The following CNTNAP5 variants were observed in gnomAD, a reference collection of about 807,000 sequenced individuals.
CNTNAP5 encodes contactin associated protein family member 5.
In CNTNAP5, 72 loss-of-function variants were observed where a neutral mutation model predicts 150.2. The ratio of observed to expected loss-of-function variants is 0.48; its 90% CI spans 0.40 to 0.58. CNTNAP5 has a LOEUF of 0.58. Ranked by LOEUF, CNTNAP5 falls within the 20% of genes least tolerant of loss-of-function variation. The pLI is 0.00. For missense variants in CNTNAP5, 1,636 were observed against 1,626.2 expected (o/e 1.01, Z -0.10); for synonymous variants, 672 against 619.8 (o/e 1.08, Z -1.25).
intron 6 of CNTNAP5, among the ~76,000 whole-genome samples, chr2:124,466,214 C>T (rs974261115): frequency 3.9e-5 from 6 of 152,020 alleles, no homozygotes; most frequent in African/African-American, 1.4e-4. Flanking sequence ...CTCCAAAAAT[C>T]CTTCAGCAGA....
At chr2:124,515,754 G>A (rs1694699236) in intron 8 of CNTNAP5, among the ~76,000 whole-genome samples, 1 of 152,222 alleles carries the variant, frequency 6.6e-6, no homozygotes, top group Admixed American at 6.5e-5. Context: ...AATTCACTAA[G>A]TATATTTACT....
At chr2:124,800,098 G>T (rs1215825368) in intron 19 of CNTNAP5, among the ~76,000 whole-genome samples, 1 of 152,198 alleles carries the variant, frequency 6.6e-6, no homozygotes, top group African/African-American at 2.4e-5. Flanking sequence ...AGGTGGGCGT[G>T]CCAACGAGGT....
At chr2:124,854,652 A>G (rs1018729737) in intron 19 of CNTNAP5, among the ~76,000 whole-genome samples, 1 of 152,232 alleles carries the variant, frequency 6.6e-6, no homozygotes, top group African/African-American at 2.4e-5. Context: ...CATTCTCCAT[A>G]GTGGCTATTT....
chr2:124,264,363 C>G (rs1467368919), intron 3 of CNTNAP5, among the ~76,000 whole-genome samples: 1 of 144,340 alleles, frequency 6.9e-6, no homozygotes, highest in African/African-American at 2.6e-5. Context: ...ACCCTTCCCC[C>G]ACACACACAG....
Position 124,798,208 on chromosome 2 carries a change from T to G in CNTNAP5, c.3105T>G (p.Ala1035=). The G allele has an allele frequency of 6.2e-7, 1 of 1,613,826 alleles. No homozygotes were observed. Among genetic ancestry groups the G allele is most frequent in the African/African-American group, 1.3e-5 (1 of 75,052 alleles). Residue 1035 remains alanine, a synonymous_variant, in exon 19 of 24, where the codon GCT becomes GCG. Transcript: ENST00000682447. ...LSSSAIYTDS[A]PSKENIALSF... ...CCTCAGCTATTTACACAGATTCAGC[T>G]CCATCCAAGGAAAACATTGCACTTA...
intron 8 of CNTNAP5, among the ~76,000 whole-genome samples, chr2:124,506,864 G>C (rs573042525): frequency 6.6e-5 from 10 of 152,182 alleles, no homozygotes; most frequent in Non-Finnish European, 1.3e-4. Flanking sequence ...CCATGGCAAG[G>C]TTCAATGGAG....
chr2:124,619,842 C>CATATATATATAT (rs58774096), intron 12 of CNTNAP5, among the ~76,000 whole-genome samples: 17 of 98,452 alleles, frequency 1.7e-4, no homozygotes, highest in Non-Finnish European at 1.8e-4. Context: ...CTGTCTCATT[C>CATATATATATAT]ATATATATAT....
intron 1 of CNTNAP5, among the ~76,000 whole-genome samples, chr2:124,097,950 C>G (rs931600633): frequency 1.3e-5 from 2 of 152,172 alleles, no homozygotes; most frequent in African/African-American, 4.8e-5. Context: ...ATGGCATGAA[C>G]CCGGGAGGCG....
chr2:124,216,015 T>TC (rs146345298), intron 1 of CNTNAP5, among the ~76,000 whole-genome samples: 2,310 of 151,946 alleles, frequency 0.015, 71 homozygotes, highest in African/African-American at 0.053. Context: ...CTCCCTAAGC[T>TC]CCCCCCAAAC....
chr2:124,875,307 G>T (rs72848778), intron 21 of CNTNAP5, among the ~76,000 whole-genome samples: 15,345 of 152,120 alleles, frequency 0.1, 1,011 homozygotes, highest in Non-Finnish European at 0.15. Context: ...ACTTCAAAAT[G>T]CTCACTTTGG....
At chr2:124,846,722 G>A (rs753991993) in intron 19 of CNTNAP5, among the ~76,000 whole-genome samples, 1 of 152,158 alleles carries the variant, frequency 6.6e-6, no homozygotes, top group Non-Finnish European at 1.5e-5. Context: ...GAAGATATGG[G>A]ATTCAAGGGC....
intron 13 of CNTNAP5, among the ~76,000 whole-genome samples, chr2:124,678,851 C>G (rs1679001538): frequency 6.6e-6 from 1 of 151,934 alleles, no homozygotes. Flanking sequence ...TAAATTCTCT[C>G]AAGGGCAAGA....
chr2:124,508,899 T>G (rs937357767), intron 8 of CNTNAP5, among the ~76,000 whole-genome samples: 1 of 152,196 alleles, frequency 6.6e-6, no homozygotes, highest in Admixed American at 6.5e-5. Flanking sequence ...AAACTTGTTT[T>G]CAAAGTACTT....
intron 1 of CNTNAP5, among the ~76,000 whole-genome samples, chr2:124,124,581 C>T (rs549714153): frequency 5.3e-5 from 8 of 152,134 alleles, no homozygotes; most frequent in South Asian, 2.1e-4. Flanking sequence ...AGATACTCCT[C>T]AAGAAGAGCA....
At chr2:124,795,220 T>C (rs961060506) in intron 18 of CNTNAP5, among the ~76,000 whole-genome samples, 3 of 152,196 alleles carry the variant, frequency 2.0e-5, no homozygotes, top group Non-Finnish European at 2.9e-5. Flanking sequence ...TAATGTGAGA[T>C]TGAATGGGAT....
intron 1 of CNTNAP5, among the ~76,000 whole-genome samples, chr2:124,043,778 G>T (rs1352574217): frequency 1.3e-5 from 2 of 152,168 alleles, no homozygotes; most frequent in Non-Finnish European, 2.9e-5. Context: ...CCAAAAAATT[G>T]TGTTGTGGAA....
chr2:124,065,759 A>T lies in CNTNAP5; in HGVS notation c.82+40027A>T, dbSNP rs377721167. Among the ~76,000 whole-genome samples the T allele has an allele frequency of 1.3e-3, 196 of 152,272 alleles. 1 individual carries two copies. Among genetic ancestry groups the T allele is most frequent in the African/African-American group, 4.4e-3 (184 of 41,558 alleles). The stretch of plus-strand genomic sequence containing the variant: ...CTGAGCAATGTAGCCACCTCCTCTC[A>T]TGGTTGGTGTTCTCAGTTTAACACG... On this transcript the variant is annotated intron_variant, in intron 1 of 23. Coordinates refer to ENST00000682447, the MANE Select transcript of CNTNAP5 (RefSeq NM_001367498.1).
intron 17 of CNTNAP5, among the ~76,000 whole-genome samples, chr2:124,786,351 GGAAGAAAGAAAGA>G (rs1558774956): frequency 4.9e-4 from 45 of 92,148 alleles, no homozygotes; most frequent in African/African-American, 1.8e-3. Context: ...AAGAAAGAAA[GGAAGAAAGAAAGA>G]AAGAAAGAAA....
At chr2:124,732,160 TATA>T (rs1348449046) in intron 13 of CNTNAP5, among the ~76,000 whole-genome samples, 1 of 152,142 alleles carries the variant, frequency 6.6e-6, no homozygotes, top group African/African-American at 2.4e-5. Flanking sequence ...TTTTTTGTTT[TATA>T]ATGAGTGAGC....
Sources: allele counts gnomAD v4.1 joint callset (sites outside exome capture counted in the v4.1 genomes callset), GRCh38; gene constraint gnomAD v4.1.1; transcripts MANE v1.5; gene names NCBI Gene and HGNC (gene_info 2026-07-23, HGNC 2026-07-21).